DOCK3: variants seen among roughly 807,000 people sequenced by gnomAD.
DOCK3 encodes the protein dedicator of cytokinesis 3, also known as dedicator of cytokinesis protein 3.
In DOCK3, 60 loss-of-function variants were observed where a neutral mutation model predicts 265.6. The ratio of observed to expected loss-of-function variants is 0.23; its 90% CI spans 0.18 to 0.28. The LOEUF (loss-of-function observed/expected upper bound fraction) is 0.28. Ranked by LOEUF, DOCK3 falls within the 10% of genes least tolerant of loss-of-function variation. DOCK3 has a pLI of 1.00. For synonymous variants in DOCK3, 881 were observed against 938.0 expected (o/e 0.94, Z 1.11); for missense variants, 1,981 against 2,594.3 (o/e 0.76, Z 5.14).
At chr3:51,083,467 A>T (rs1318675839) in intron 7 of DOCK3, among the ~76,000 whole-genome samples, 1 of 152,190 alleles carries the variant, frequency 6.6e-6, no homozygotes, top group Non-Finnish European at 1.5e-5. Context: ...AAATGAATGA[A>T]ATCCCTGAAA....
At chr3:51,297,072 C>G (rs1475567821) in intron 27 of DOCK3, among the ~76,000 whole-genome samples, 1 of 128,092 alleles carries the variant, frequency 7.8e-6, no homozygotes, top group Non-Finnish European at 1.6e-5. Context: ...GAGCTGAGAT[C>G]GTGCCACTGC....
At chr3:50,732,162 A>T (rs973625495) in intron 1 of DOCK3, among the ~76,000 whole-genome samples, 1 of 152,120 alleles carries the variant, frequency 6.6e-6, no homozygotes, top group Non-Finnish European at 1.5e-5. Flanking sequence ...AACACCACAT[A>T]TATATTCACC....
chr3:51,199,344 G>A (rs1055047057), intron 12 of DOCK3, among the ~76,000 whole-genome samples: 6 of 152,326 alleles, frequency 3.9e-5, no homozygotes, highest in Admixed American at 6.5e-5. Context: ...CAAATACTGC[G>A]CTTTTCCGAT....
chr3:50,729,585 G>C (rs187917031), intron 1 of DOCK3, among the ~76,000 whole-genome samples: 3 of 151,852 alleles, frequency 2.0e-5, no homozygotes, highest in African/African-American at 7.2e-5. Context: ...GTCTGGGCAG[G>C]AGTACAGTGG....
chr3:51,358,136 C>T, intron 46 of DOCK3, 59 bp downstream of exon 46: 1 of 1,564,882 alleles, frequency 6.4e-7, no homozygotes, highest in Non-Finnish European at 8.8e-7. Flanking sequence ...TTCCTCCAGA[C>T]CTACGCCACA....
At chr3:50,916,934 A>G (rs1161407407) in intron 4 of DOCK3, among the ~76,000 whole-genome samples, 1 of 151,984 alleles carries the variant, frequency 6.6e-6, no homozygotes, top group Non-Finnish European at 1.5e-5. Context: ...CTAATTGTAC[A>G]TCTTGCTTGG....
In DOCK3 at chr3:51,197,380, A is replaced by G. The variant is rs1201442955; in HGVS notation, c.1038-11394A>G. 6.6e-5 allele frequency among the ~76,000 whole-genome samples: 10 copies of G among 152,176 alleles called. No individual in the cohort carries two copies. In the East Asian group the frequency reaches 1.7e-3, roughly 26 times the overall value. On this transcript the variant is annotated intron_variant, in intron 12 of 52. Coordinates refer to ENST00000266037, the MANE Select transcript of DOCK3 (RefSeq NM_004947.5). Reference sequence around the variant, plus strand: ...GAGTCTCAGGTTCCTGAGCAGCTACATGGCATGAGTGATAGCAGTAGCGGT... The same window carrying G: ...GAGTCTCAGGTTCCTGAGCAGCTACGTGGCATGAGTGATAGCAGTAGCGGT...
intron 1 of DOCK3, among the ~76,000 whole-genome samples, chr3:50,760,672 T>C (rs573951990): frequency 6.6e-6 from 1 of 152,308 alleles, no homozygotes; most frequent in Admixed American, 6.5e-5. Flanking sequence ...TAACTTACGA[T>C]GGATTTATCA....
chr3:51,295,273 G>A (rs1371277007), intron 27 of DOCK3, among the ~76,000 whole-genome samples: 1 of 152,250 alleles, frequency 6.6e-6, no homozygotes. Flanking sequence ...AGGTGAAGGA[G>A]AGCCAGTGTG....
intron 5 of DOCK3, among the ~76,000 whole-genome samples, chr3:50,957,384 A>T (rs371791191): frequency 6.6e-6 from 1 of 152,202 alleles, no homozygotes; most frequent in Non-Finnish European, 1.5e-5. Flanking sequence ...ATTAGATTTC[A>T]TTTCTAATTA....
At chr3:51,150,508 A>T (rs2085528356) in intron 10 of DOCK3, among the ~76,000 whole-genome samples, 1 of 152,154 alleles carries the variant, frequency 6.6e-6, no homozygotes, top group African/African-American at 2.4e-5. Flanking sequence ...ACTGCTTTGA[A>T]TGTGTCCCAG....
At chr3:50,948,401 C>CTTTTTTT (rs59584829) in intron 5 of DOCK3, among the ~76,000 whole-genome samples, 10 of 98,660 alleles carry the variant, frequency 1.0e-4, no homozygotes, top group South Asian at 3.9e-4. Context: ...AAGTTTTAAT[C>CTTTTTTT]TTTTTTTTTT....
chr3:50,678,083 T>G (rs2034118980), intron 1 of DOCK3, among the ~76,000 whole-genome samples: 1 of 152,066 alleles, frequency 6.6e-6, no homozygotes. Flanking sequence ...TTTTTTTTTT[T>G]GTCCTTCAAC....
At chr3:51,341,528 T>A in intron 38 of DOCK3, 143 bp downstream of exon 38, 1 of 1,187,974 alleles carries the variant, frequency 8.4e-7, no homozygotes, top group Non-Finnish European at 1.2e-6. Context: ...GCCTAAGATG[T>A]GGAGGCAGCA....
chr3:50,905,763 C>T lies in DOCK3; in HGVS notation c.218+15682C>T, dbSNP rs562465563. Among the ~76,000 whole-genome samples the T allele has an allele frequency of 5.9e-5, 9 of 151,992 alleles. No homozygotes were observed. In the South Asian group the frequency reaches 6.2e-4, roughly 10 times the overall value. The stretch of plus-strand genomic sequence containing the variant: ...ATTGAATGCCCTTTATTTCTTTCTC[C>T]TGCCTGATTGCCCTGGCCAGAACTT... On this transcript the variant is annotated intron_variant, in intron 4 of 52. Transcript: ENST00000266037.
intron 36 of DOCK3, 69 bp from the exon 37 acceptor site, chr3:51,338,866 G>A (rs2085049299): frequency 1.4e-6 from 2 of 1,381,648 alleles, no homozygotes; most frequent in Non-Finnish European, 2.0e-6. Flanking sequence ...CACGGCTATG[G>A]CCAGCTGCCC....
At chr3:51,269,973 G>A (rs539464778) in intron 23 of DOCK3, among the ~76,000 whole-genome samples, 2 of 152,252 alleles carry the variant, frequency 1.3e-5, no homozygotes, top group Admixed American at 6.5e-5. Flanking sequence ...ATTTGAACTC[G>A]TGTCTAATTC....
chr3:50,803,327 CCGCCCT>C (rs2043170923), intron 2 of DOCK3, among the ~76,000 whole-genome samples: 1 of 152,058 alleles, frequency 6.6e-6, no homozygotes, highest in East Asian at 1.9e-4. Flanking sequence ...ACATCTTGGA[CCGCCCT>C]TAATCCATTT....
At chr3:51,008,358 G>A (rs2078776552) in intron 5 of DOCK3, among the ~76,000 whole-genome samples, 1 of 152,138 alleles carries the variant, frequency 6.6e-6, no homozygotes, top group African/African-American at 2.4e-5. Context: ...TACACAAGTT[G>A]TATTCCTAGG....
Sources: allele counts gnomAD v4.1 joint callset (sites outside exome capture counted in the v4.1 genomes callset), GRCh38; gene constraint gnomAD v4.1.1; transcripts MANE v1.5; gene names NCBI Gene and HGNC (gene_info 2026-07-23, HGNC 2026-07-21).